The following TAFA1 variants were observed in gnomAD, a reference collection of about 807,000 sequenced individuals.
TAFA1 encodes chemokine-like protein TAFA-1.
TAFA1 carries 4 observed loss-of-function variants against 18.5 expected under a neutral mutation model. The ratio of observed to expected loss-of-function variants is 0.22; its 90% CI spans 0.11 to 0.49. TAFA1 has a LOEUF of 0.49. Among genes scored for constraint, TAFA1 ranks in the 20% least tolerant of loss-of-function variants. The pLI is 0.98. For synonymous variants in TAFA1, 56 were observed against 55.2 expected (o/e 1.01, Z -0.06); for missense variants, 147 against 169.0 (o/e 0.87, Z 0.72).
At chr3:68,233,385 G>C (rs1463586141) in intron 2 of TAFA1, among the ~76,000 whole-genome samples, 2 of 152,082 alleles carry the variant, frequency 1.3e-5, no homozygotes, top group Admixed American at 1.3e-4. Flanking sequence ...TTATGGAAGA[G>C]AATGTTCTTT....
chr3:68,509,018 C>G (rs956482160), intron 3 of TAFA1, among the ~76,000 whole-genome samples: 2 of 152,022 alleles, frequency 1.3e-5, no homozygotes, highest in South Asian at 2.1e-4. Flanking sequence ...TCTGTCTAAC[C>G]CAAGAGTCCA....
At chr3:68,350,891 G>T (rs2069253947) in intron 2 of TAFA1, among the ~76,000 whole-genome samples, 1 of 152,076 alleles carries the variant, frequency 6.6e-6, no homozygotes, top group Non-Finnish European at 1.5e-5. Flanking sequence ...CAAGACCCTT[G>T]TAGCTGGGAA....
At chr3:68,206,016 C>T (rs12488557) in intron 2 of TAFA1, among the ~76,000 whole-genome samples, 6 of 151,888 alleles carry the variant, frequency 4.0e-5, no homozygotes, top group East Asian at 3.9e-4. Context: ...ATTCCTTTAT[C>T]GTTCCATGTG....
chr3:68,383,501 T>G (rs561007970), intron 2 of TAFA1, among the ~76,000 whole-genome samples: 71 of 152,288 alleles, frequency 4.7e-4, no homozygotes, highest in African/African-American at 1.7e-3. Flanking sequence ...TTGTGTCTGT[T>G]GAACAAACTT....
At chr3:68,452,384 G>A (rs754311002) in intron 3 of TAFA1, among the ~76,000 whole-genome samples, 2 of 151,846 alleles carry the variant, frequency 1.3e-5, no homozygotes, top group Non-Finnish European at 1.5e-5. Flanking sequence ...TTAGCTGGGC[G>A]TTGTTGCAGG....
chr3:68,471,577 A>C (rs1335659737), intron 3 of TAFA1, among the ~76,000 whole-genome samples: 3 of 152,156 alleles, frequency 2.0e-5, no homozygotes, highest in Non-Finnish European at 4.4e-5. Context: ...AGCATCCAGC[A>C]TGAGAGAAAA....
intron 3 of TAFA1, among the ~76,000 whole-genome samples, chr3:68,467,172 C>T (rs908103074): frequency 3.3e-5 from 5 of 152,048 alleles, no homozygotes; most frequent in African/African-American, 4.8e-5. Context: ...TTTTAAGGTG[C>T]CCAGATTTCA....
At chr3:68,499,916 A>C (rs1250887228) in intron 3 of TAFA1, among the ~76,000 whole-genome samples, 1 of 150,960 alleles carries the variant, frequency 6.6e-6, no homozygotes, top group Non-Finnish European at 1.5e-5. Context: ...TATTCAAGTA[A>C]AGTCCAGGGA....
At chr3:68,254,059 G>T (rs755781605) in intron 2 of TAFA1, among the ~76,000 whole-genome samples, 5 of 152,092 alleles carry the variant, frequency 3.3e-5, no homozygotes, top group South Asian at 4.2e-4. Flanking sequence ...CTGTGTTTCT[G>T]TCTATCTGTC....
chr3:68,529,008 G>A (rs2073147861), intron 3 of TAFA1, among the ~76,000 whole-genome samples: 1 of 151,854 alleles, frequency 6.6e-6, no homozygotes, highest in Non-Finnish European at 1.5e-5. Flanking sequence ...TTTGATATAG[G>A]CACTATTTTT....
chr3:68,321,929 T>C (rs1483397957), intron 2 of TAFA1, among the ~76,000 whole-genome samples: 1 of 152,226 alleles, frequency 6.6e-6, no homozygotes, highest in Non-Finnish European at 1.5e-5. Flanking sequence ...ATAAAAGATA[T>C]ATTTCCACCT....
chr3:68,383,884 C>T (rs2070033773), intron 2 of TAFA1, among the ~76,000 whole-genome samples: 1 of 152,212 alleles, frequency 6.6e-6, no homozygotes, highest in East Asian at 1.9e-4. Flanking sequence ...AGGGATTCAA[C>T]TTCTTCCTGG....
At chr3:68,345,423 GA>G (rs1559626745) in intron 2 of TAFA1, among the ~76,000 whole-genome samples, 1 of 152,106 alleles carries the variant, frequency 6.6e-6, no homozygotes, top group Non-Finnish European at 1.5e-5. Context: ...AATTTCCAAA[GA>G]AAACCAATGA....
intron 2 of TAFA1, among the ~76,000 whole-genome samples, chr3:68,246,485 A>G (rs1036402302): frequency 6.7e-5 from 10 of 149,474 alleles, no homozygotes; most frequent in South Asian, 2.2e-4. Context: ...AGCTACTCGG[A>G]AGGCTGAGGC....
At chr3:68,459,335 G>A (rs2071730185) in intron 3 of TAFA1, among the ~76,000 whole-genome samples, 1 of 152,088 alleles carries the variant, frequency 6.6e-6, no homozygotes, top group Non-Finnish European at 1.5e-5. Flanking sequence ...ATAGTAGACA[G>A]GTTTTATAAC....
intron 2 of TAFA1, among the ~76,000 whole-genome samples, chr3:68,290,884 T>C (rs181984454): frequency 6.9e-6 from 1 of 145,946 alleles, no homozygotes; most frequent in Admixed American, 6.8e-5. Context: ...TCAAAGTGGA[T>C]TTAATCCTTT....
intron 2 of TAFA1, among the ~76,000 whole-genome samples, chr3:68,271,998 T>G (rs542178504): frequency 2.3e-4 from 35 of 152,302 alleles, no homozygotes; most frequent in African/African-American, 8.4e-4. Context: ...TATAAATAGA[T>G]GCTCAGGGGG....
chr3:68,020,531 C>T (rs1483785285), intron 2 of TAFA1, among the ~76,000 whole-genome samples: 1 of 152,114 alleles, frequency 6.6e-6, no homozygotes, highest in African/African-American at 2.4e-5. Context: ...GTGTTTAGGA[C>T]ATGTTATCTT....
chr3:68,522,769 A>C lies in TAFA1; in HGVS notation c.260-15987A>C, dbSNP rs147269063. Among the ~76,000 whole-genome samples, 1,275 of 151,950 alleles carry C rather than the reference A, an allele frequency of 8.4e-3. 14 individuals are homozygous for C. The highest frequency in any genetic ancestry group is 0.029 in the African/African-American group (1,197 of 41,392). ...GAGGCTGAGGCAGGAGAACTGCTTG[A>C]ACTCAGGAGGTGGAGTTTGCAGTAA... On this transcript the variant is annotated intron_variant, in intron 3 of 4. Coordinates refer to ENST00000478136, the MANE Select transcript of TAFA1 (RefSeq NM_213609.4).
Sources: allele counts gnomAD v4.1 joint callset (sites outside exome capture counted in the v4.1 genomes callset), GRCh38; gene constraint gnomAD v4.1.1; transcripts MANE v1.5; gene names NCBI Gene and HGNC (gene_info 2026-07-23, HGNC 2026-07-21).